The following SYNPR variants were observed in gnomAD, a reference collection of about 807,000 sequenced individuals.
SYNPR encodes synaptoporin.
Under a neutral mutation model 32.9 loss-of-function variants are expected in SYNPR, and 23 were observed. The ratio of observed to expected loss-of-function variants is 0.70; its 90% CI spans 0.50 to 0.99. The LOEUF (loss-of-function observed/expected upper bound fraction) is 0.99. Ranked by LOEUF, SYNPR falls within the 50% of genes least tolerant of loss-of-function variation. The pLI is 0.00. For synonymous variants in SYNPR, 146 were observed against 135.9 expected (o/e 1.07, Z -0.52); for missense variants, 318 against 349.3 (o/e 0.91, Z 0.71).
intron 3 of SYNPR, among the ~76,000 whole-genome samples, chr3:63,529,781 C>T (rs1315023427): frequency 6.6e-6 from 1 of 152,184 alleles, no homozygotes; most frequent in East Asian, 1.9e-4. Context: ...AACTAGGAGG[C>T]CCTTTTTGGC....
intron 2 of SYNPR, among the ~76,000 whole-genome samples, chr3:63,466,208 C>A (rs1700675139): frequency 6.6e-6 from 1 of 152,032 alleles, no homozygotes; most frequent in Admixed American, 6.6e-5. Flanking sequence ...TAGCCTCCTA[C>A]TCCTTTTAAT....
At chr3:63,202,104 TCTC>T in the SYNPR span, among the ~76,000 whole-genome samples, 1 of 152,158 alleles carries the variant, frequency 6.6e-6, no homozygotes, top group Non-Finnish European at 1.5e-5. Context: ...ACACCTCTGA[TCTC>T]CTTCCAGCTG....
At position 63,492,505 on chromosome 3, in the gene SYNPR, C is replaced by T. The variant is rs181295528; in HGVS notation, c.209+11549C>T. Among the ~76,000 whole-genome samples the T allele has an allele frequency of 1.4e-4, 21 of 152,286 alleles. No homozygotes were observed. In the East Asian group the frequency reaches 1.7e-3, roughly 13 times the overall value. On this transcript the variant is annotated intron_variant, in intron 3 of 5. Transcript: ENST00000478300. ...AATTTATATAAGACTCTTTGAACCT[C>T]GTAGGGCTTGCTCTGAAGCTTGTTC... is the stretch of plus-strand genomic sequence containing the variant.
At chr3:63,377,303 C>T (rs1466999027) in intron 2 of SYNPR, among the ~76,000 whole-genome samples, 1 of 152,112 alleles carries the variant, frequency 6.6e-6, no homozygotes, top group Non-Finnish European at 1.5e-5. Flanking sequence ...GCCAGTGGTT[C>T]TCCAGGCTCT....
At position 63,422,406 on chromosome 3, in the gene SYNPR, G is replaced by A. The variant is rs528177140; in HGVS notation, c.85-58426G>A. Among the ~76,000 whole-genome samples the A allele has an allele frequency of 2.7e-3, 408 of 152,186 alleles. 1 individual carries two copies. The highest frequency in any genetic ancestry group is 9.4e-3 in the African/African-American group (391 of 41,518). On this transcript the variant is annotated intron_variant, in intron 2 of 5. Transcript: ENST00000478300. ...AAGAACAAGATGATCAACGTCTACA[G>A]CGCATTGAGTGAATAAAAAATTGAG...
chr3:63,355,192 T>C (rs1245832371), intron 2 of SYNPR, among the ~76,000 whole-genome samples: 1 of 150,784 alleles, frequency 6.6e-6, no homozygotes, highest in Non-Finnish European at 1.5e-5. Context: ...GGGCAGAGAA[T>C]GGCTTCAGCC....
chr3:63,443,202 T>A, intron 2 of SYNPR: 2 of 1,336,962 alleles, frequency 1.5e-6, no homozygotes, highest in Non-Finnish European at 1.9e-6. Context: ...TGTACTCAGC[T>A]GTGGGTTGTC....
intron 4 of SYNPR, among the ~76,000 whole-genome samples, chr3:63,582,320 G>C (rs371894589): frequency 1.3e-5 from 2 of 151,930 alleles, no homozygotes; most frequent in African/African-American, 4.8e-5. Context: ...AAGAACCTTC[G>C]CTTTTTTTAG....
At chr3:63,558,551 G>A (rs1182127419) in intron 4 of SYNPR, among the ~76,000 whole-genome samples, 1 of 151,974 alleles carries the variant, frequency 6.6e-6, no homozygotes, top group Non-Finnish European at 1.5e-5. Flanking sequence ...TGCAGAGACA[G>A]GGTCTCAAAC....
intron 2 of SYNPR, among the ~76,000 whole-genome samples, chr3:63,339,214 T>G (rs1160904791): frequency 6.6e-6 from 1 of 152,222 alleles, no homozygotes; most frequent in Non-Finnish European, 1.5e-5. Flanking sequence ...AAACACATTT[T>G]TAGTGAGCAC....
intron 2 of SYNPR, among the ~76,000 whole-genome samples, chr3:63,477,296 G>C (rs1156461004): frequency 6.6e-6 from 1 of 152,146 alleles, no homozygotes; most frequent in African/African-American, 2.4e-5. Context: ...TTCTCTGGAG[G>C]AGTTGATTTC....
In SYNPR at chr3:63,612,923, T is replaced by G. The variant is rs577921081; in HGVS notation, c.601-2301T>G. On this transcript the variant is annotated intron_variant, in intron 5 of 5. Transcript: ENST00000478300. ...CCCTCCTCTCCTCTCCTCTCTTCTC[T>G]TCTCCTCTCTTCTCCTCTCCTTTTC... Among the ~76,000 whole-genome samples the G allele has an allele frequency of 5.6e-4, 73 of 129,340 alleles. 1 individual carries two copies. Among genetic ancestry groups the G allele is most frequent in the Non-Finnish European group, 1.8e-4 (11 of 61,470 alleles). 84.9% of individuals were successfully genotyped at this position (129,340 alleles called of 152,430 possible). A position where few individuals can be genotyped will look rare whatever the true frequency, so the allele number is the denominator to read the frequency against.
chr3:63,207,794 A>G, the SYNPR span, among the ~76,000 whole-genome samples: 5 of 152,196 alleles, frequency 3.3e-5, no homozygotes, highest in Non-Finnish European at 4.4e-5. Flanking sequence ...AAAAAAATGA[A>G]AGAAAATATT....
At chr3:63,342,764 C>A (rs950739685) in intron 2 of SYNPR, among the ~76,000 whole-genome samples, 4 of 152,074 alleles carry the variant, frequency 2.6e-5, no homozygotes, top group Non-Finnish European at 5.9e-5. Flanking sequence ...TTATTAAGAG[C>A]TCTTTAATTA....
upstream of SYNPR, among the ~76,000 whole-genome samples, chr3:63,223,802 T>C (rs1265558399): frequency 5.9e-5 from 9 of 152,194 alleles, no homozygotes. Flanking sequence ...CTACTTTCTA[T>C]TGTGGTGTTT....
At chr3:63,500,385 C>T (rs1249550490) in intron 3 of SYNPR, among the ~76,000 whole-genome samples, 3 of 152,072 alleles carry the variant, frequency 2.0e-5, no homozygotes, top group African/African-American at 4.8e-5. Flanking sequence ...TTTGGACTTG[C>T]CTCCCTCACC....
intron 2 of SYNPR, among the ~76,000 whole-genome samples, chr3:63,473,237 C>G (rs965323282): frequency 6.6e-6 from 1 of 152,112 alleles, no homozygotes; most frequent in African/African-American, 2.4e-5. Flanking sequence ...GCTATGTCCC[C>G]CTTCCCTCCC....
At chr3:63,591,673 G>A (rs1420923485) in intron 4 of SYNPR, among the ~76,000 whole-genome samples, 11 of 134,948 alleles carry the variant, frequency 8.2e-5, no homozygotes, top group South Asian at 2.9e-4. Context: ...GGATGAAATT[G>A]GAAACCATCA....
the SYNPR span, among the ~76,000 whole-genome samples, chr3:63,208,390 A>C: frequency 6.6e-6 from 1 of 152,202 alleles, no homozygotes; most frequent in Non-Finnish European, 1.5e-5. Context: ...TGCTGCTGTC[A>C]AATCTGGCAC....
Sources: gnomAD v4.1 joint callset for allele counts (sites outside exome capture counted in the v4.1 genomes callset) on GRCh38, gnomAD v4.1.1 for gene constraint, MANE v1.5 for transcripts, NCBI Gene and HGNC (gene_info 2026-07-23, HGNC 2026-07-21) for gene names.